KIAA1217: variants seen among roughly 807,000 people sequenced by gnomAD.
KIAA1217 encodes KIAA1217, also known as sickle tail protein homolog.
Under a neutral mutation model 163.9 loss-of-function variants are expected in KIAA1217, and 88 were observed. That is an observed-to-expected ratio of 0.54 (90% confidence interval 0.45 to 0.64). The LOEUF is 0.64. Ranked by LOEUF, KIAA1217 falls within the 30% of genes least tolerant of loss-of-function variation. The probability of loss-of-function intolerance (pLI) is 0.00; values close to 1 mark genes in which losing one functional copy is unlikely to be tolerated. For synonymous variants in KIAA1217, 903 were observed against 923.1 expected (o/e 0.98, Z 0.39); for missense variants, 2,372 against 2,475.0 (o/e 0.96, Z 0.88).
chr10:24,232,942 A>AG (rs1373181696), intron 2 of KIAA1217, among the ~76,000 whole-genome samples: 2 of 147,550 alleles, frequency 1.4e-5, no homozygotes, highest in African/African-American at 2.5e-5. Context: ...CTACAAAAAA[A>AG]AAAAAAAAAA....
intron 1 of KIAA1217, among the ~76,000 whole-genome samples, chr10:23,871,406 T>C (rs1006130678): frequency 6.6e-6 from 1 of 152,044 alleles, no homozygotes; most frequent in African/African-American, 2.4e-5. Flanking sequence ...CTAAGGCAGC[T>C]CCATAAGCTG....
At chr10:23,872,903 T>C (rs1356683620) in intron 1 of KIAA1217, among the ~76,000 whole-genome samples, 2 of 152,078 alleles carry the variant, frequency 1.3e-5, no homozygotes, top group Non-Finnish European at 2.9e-5. Flanking sequence ...CATGTAACAT[T>C]GGCAGCTCAC....
chr10:24,133,046 A>T (rs1210163637), intron 2 of KIAA1217, among the ~76,000 whole-genome samples: 4 of 151,842 alleles, frequency 2.6e-5, no homozygotes, highest in African/African-American at 9.7e-5. Context: ...AAGAATGAGG[A>T]TGCATCTAAT....
At chr10:23,832,032 T>C (rs775749820) in intron 1 of KIAA1217, among the ~76,000 whole-genome samples, 6 of 152,320 alleles carry the variant, frequency 3.9e-5, no homozygotes, top group Admixed American at 6.5e-5. Flanking sequence ...CTGGGTATCC[T>C]ACAATTCCAT....
intron 1 of KIAA1217, among the ~76,000 whole-genome samples, chr10:23,696,108 C>CG (rs1485753443): frequency 2.6e-5 from 4 of 152,296 alleles, no homozygotes; most frequent in East Asian, 3.9e-4. Context: ...CACTTCTTTT[C>CG]GGGGGCATGT....
intron 2 of KIAA1217, among the ~76,000 whole-genome samples, chr10:24,062,883 T>C (rs1438105568): frequency 6.6e-6 from 1 of 151,140 alleles, no homozygotes; most frequent in Non-Finnish European, 1.5e-5. Flanking sequence ...ATTTCTGTGA[T>C]GGCCAGTGAT....
intron 1 of KIAA1217, among the ~76,000 whole-genome samples, chr10:23,748,565 G>A (rs1839550546): frequency 8.3e-6 from 1 of 120,388 alleles, no homozygotes. Flanking sequence ...AGAGGAGGGG[G>A]AGGGGGACGG....
At position 23,824,646 on chromosome 10, in the gene KIAA1217, AAAAATAAAAAAAATATAT is replaced by A. The variant is rs1837794755; in HGVS notation, c.-321+129414_-321+129431del. ...TCTGTCTCAAGAAAAAAAAAAAAAA[AAAAATAAAAAAAATATAT>A]ATATATATATATATATATGTATATA... On this transcript the variant is annotated intron_variant, in intron 1 of 18. Transcript: ENST00000376462. 4.1e-5 allele frequency among the ~76,000 whole-genome samples: 4 copies of A among 97,392 alleles called. No individual in the cohort carries two copies. In the South Asian group the frequency reaches 1.1e-3, roughly 26 times the overall value. The allele number at this position is 97,392 out of a possible 152,430, so 63.9% of individuals were successfully genotyped here.
intron 2 of KIAA1217, among the ~76,000 whole-genome samples, chr10:24,342,274 C>T (rs2047187446): frequency 6.6e-6 from 1 of 152,158 alleles, no homozygotes; most frequent in Admixed American, 6.5e-5. Flanking sequence ...CATACTTGTC[C>T]AATTTAGTAG....
At chr10:24,432,946 G>A (rs1238130077) in intron 3 of KIAA1217, 49 bp from the exon 4 acceptor site, 8 of 1,481,768 alleles carry the variant, frequency 5.4e-6, no homozygotes, top group Non-Finnish European at 7.5e-6. Flanking sequence ...TGTGCTGTGT[G>A]TCCCCTGAGT....
chr10:24,263,784 C>T (rs2075944975), intron 2 of KIAA1217, among the ~76,000 whole-genome samples: 1 of 151,962 alleles, frequency 6.6e-6, no homozygotes, highest in Admixed American at 6.6e-5. Flanking sequence ...TTTTTGTGTC[C>T]ATTGAAAAGG....
intron 2 of KIAA1217, among the ~76,000 whole-genome samples, chr10:24,066,638 G>A (rs755268384): frequency 4.6e-4 from 70 of 152,118 alleles, no homozygotes; most frequent in South Asian, 2.3e-3. Flanking sequence ...TGCTCTTCTC[G>A]AGGAGTATCT....
intron 2 of KIAA1217, among the ~76,000 whole-genome samples, chr10:24,354,941 C>T (rs1384722979): frequency 6.6e-6 from 1 of 152,232 alleles, no homozygotes; most frequent in African/African-American, 2.4e-5. Context: ...CTCTTCTACC[C>T]AGTATTTCCC....
intron 5 of KIAA1217, among the ~76,000 whole-genome samples, chr10:24,468,623 TGAAGTGGACAG>T (rs1181768012): frequency 2.0e-5 from 3 of 152,328 alleles, no homozygotes; most frequent in African/African-American, 7.2e-5. Context: ...AAGATTATTT[TGAAGTGGACAG>T]GGCAGGGAAG....
At chr10:24,387,955 A>C (rs1374240856) in intron 3 of KIAA1217, among the ~76,000 whole-genome samples, 1 of 152,180 alleles carries the variant, frequency 6.6e-6, no homozygotes, top group Non-Finnish European at 1.5e-5. Context: ...GGAAGAGTCA[A>C]TATTGTGAAA....
intron 9 of KIAA1217, among the ~76,000 whole-genome samples, chr10:24,508,000 A>G (rs977768130): frequency 6.6e-6 from 1 of 152,228 alleles, no homozygotes; most frequent in Non-Finnish European, 1.5e-5. Context: ...TTCAGAAAAC[A>G]GAGAATACTT....
intron 13 of KIAA1217, among the ~76,000 whole-genome samples, 158 bp from the exon 14 acceptor site, chr10:24,527,778 G>A (rs2072430403): frequency 6.6e-6 from 1 of 152,106 alleles, no homozygotes; most frequent in Non-Finnish European, 1.5e-5. Context: ...GGTTTGTTGT[G>A]CAGATTATTT....
intron 1 of KIAA1217, among the ~76,000 whole-genome samples, chr10:23,802,303 G>A (rs1836507939): frequency 6.6e-6 from 1 of 152,182 alleles, no homozygotes; most frequent in Non-Finnish European, 1.5e-5. Context: ...TCCAACACAT[G>A]ATGAAAGAGT....
intron 5 of KIAA1217, among the ~76,000 whole-genome samples, chr10:24,467,580 G>A (rs534336377): frequency 5.1e-4 from 78 of 152,170 alleles, no homozygotes; most frequent in East Asian, 3.9e-4. Context: ...TTTCTGTGTC[G>A]GTCATCTCTT....
Sources: gnomAD v4.1 joint callset for allele counts (sites outside exome capture counted in the v4.1 genomes callset) on GRCh38, gnomAD v4.1.1 for gene constraint, MANE v1.5 for transcripts, NCBI Gene and HGNC (gene_info 2026-07-23, HGNC 2026-07-21) for gene names.